Variants in USP54 observed in about 807,000 individuals in gnomAD.
USP54 encodes the protein ubiquitin specific peptidase 54.
USP54 carries 87 observed loss-of-function variants against 170.5 expected under a neutral mutation model. The observed-to-expected ratio is 0.51, with a 90% CI of 0.43 to 0.61. The LOEUF is 0.61. USP54 is among the 20% of genes least tolerant of loss of function. USP54 has a pLI of 0.00. For missense variants in USP54, 1,786 were observed against 2,047.8 expected, an observed-to-expected ratio of 0.87 and a Z score of 2.47; for synonymous variants, 655 against 742.8, an observed-to-expected ratio of 0.88 and a Z score of 1.92.
chr10:73,503,060 C>T (rs1219632764), intron 22 of USP54, among the ~76,000 whole-genome samples: 4 of 152,180 alleles, frequency 2.6e-5, no homozygotes, highest in Admixed American at 1.3e-4. Context: ...TTCCAAACTA[C>T]TTACTGTGAC....
chr10:73,500,158 GCCCACCTTC>G (rs926514895), intron 23 of USP54, among the ~76,000 whole-genome samples: 1 of 152,128 alleles, frequency 6.6e-6, no homozygotes, highest in African/African-American at 2.4e-5. Context: ...AAATGATATT[GCCCACCTTC>G]CCCACAATTG....
chr10:73,529,973 G>GACCTA, intron 14 of USP54, 62 bp from the exon 15 acceptor site: 1 of 1,501,998 alleles, frequency 6.7e-7, no homozygotes, highest in Non-Finnish European at 8.9e-7. Flanking sequence ...CTAAAATCAA[G>GACCTA]ACCTAACTAG....
In USP54 at chr10:73,561,021, C is replaced by G. The variant is rs142770926; in HGVS notation, c.240+10400G>C. ...TCAGGAGTCTGAAGCAGGATAATCG[C>G]TTGAACCCGGGAGGCAGAGGTTGCA... On this transcript the variant is annotated intron_variant, in intron 4 of 23. Transcript: ENST00000687698. Among the ~76,000 whole-genome samples the G allele has an allele frequency of 1.5e-3, 222 of 147,676 alleles. 2 individuals carry two copies. The highest frequency in any genetic ancestry group is 4.9e-3 in the African/African-American group (196 of 40,060).
At chr10:73,572,478 C>T (rs757418821) in intron 3 of USP54, among the ~76,000 whole-genome samples, 5 of 152,152 alleles carry the variant, frequency 3.3e-5, no homozygotes, top group Non-Finnish European at 4.4e-5. Flanking sequence ...CATGAAAAAG[C>T]ATAATTTCTG....
intron 1 of USP54, among the ~76,000 whole-genome samples, chr10:73,605,720 G>A (rs573785862): frequency 1.3e-5 from 2 of 152,170 alleles, no homozygotes; most frequent in South Asian, 2.1e-4. Context: ...TATACTACGT[G>A]AAATAAGCCA....
intron 4 of USP54, among the ~76,000 whole-genome samples, chr10:73,560,375 C>A (rs547467989): frequency 1.3e-5 from 2 of 151,896 alleles, no homozygotes; most frequent in Admixed American, 1.3e-4. Flanking sequence ...TGAGACCAGG[C>A]CGGGCATGGT....
chr10:73,505,064 G>C, intron 21 of USP54, 74 bp from the exon 22 acceptor site: 1 of 1,597,634 alleles, frequency 6.3e-7, no homozygotes, highest in Non-Finnish European at 8.6e-7. Context: ...AGTATCCTCA[G>C]GGTATGGGAA....
intron 1 of USP54, among the ~76,000 whole-genome samples, chr10:73,605,552 A>T (rs751866902): frequency 1.4e-4 from 22 of 152,244 alleles, no homozygotes; most frequent in Admixed American, 5.2e-4. Flanking sequence ...AGATAATTGT[A>T]TACCCATGTT....
chr10:73,538,536 C>G (rs2065805147), intron 10 of USP54: 1 of 151,944 alleles, frequency 6.6e-6, no homozygotes, highest in Non-Finnish European at 1.5e-5. Context: ...CACTTTGGGC[C>G]AGGCACTGTG....
chr10:73,551,828 T>C (rs2069441652), intron 4 of USP54, among the ~76,000 whole-genome samples: 1 of 152,204 alleles, frequency 6.6e-6, no homozygotes, highest in South Asian at 2.1e-4. Flanking sequence ...TCTATACAAA[T>C]CTGAAATTTA....
rs554201509 is a variant in USP54 at position 73,542,889 on chromosome 10, G to C, written c.490-4C>G. 6 of 1,614,020 alleles carry C rather than the reference G, an allele frequency of 3.7e-6. No homozygotes were observed. In the Admixed American group the frequency reaches 1.0e-4, roughly 27 times the overall value. On this transcript the variant is annotated splice_polypyrimidine_tract_variant and splice_region_variant and intron_variant, in intron 6 of 23. Coordinates refer to ENST00000687698, the MANE Select transcript of USP54 (RefSeq NM_001391956.1). ...CACCACAGCTAGTACATACACACTG[G>C]GCAAAAGAGAAAAAGGCAAAACCAA...
chr10:73,621,230 T>C lies in USP54; in HGVS notation c.-18+4337A>G, dbSNP rs1248408810. Among the ~76,000 whole-genome samples, 7 of 148,526 alleles carry C rather than the reference T, an allele frequency of 4.7e-5. No homozygotes were observed. In the East Asian group the frequency reaches 9.7e-4, roughly 21 times the overall value. ...AAACCGTACTTTGGACTTTGGAATA[T>C]AGAGTGAAAAAAAAAACCTGAAAGC... On this transcript the variant is annotated intron_variant, in intron 1 of 22. Coordinates refer to the USP54 transcript ENST00000339859.
chr10:73,607,928 T>A (rs1467428968), intron 1 of USP54, among the ~76,000 whole-genome samples: 1 of 151,304 alleles, frequency 6.6e-6, no homozygotes, highest in African/African-American at 2.4e-5. Flanking sequence ...GTGTGCGAAG[T>A]GTTAAGCCTA....
intron 1 of USP54, among the ~76,000 whole-genome samples, chr10:73,581,989 T>A (rs1321712372): frequency 6.6e-6 from 1 of 152,186 alleles, no homozygotes. Flanking sequence ...GTATACACAG[T>A]ACAGCTTAAT....
At chr10:73,557,852 C>G (rs2071549585) in intron 4 of USP54, among the ~76,000 whole-genome samples, 1 of 145,682 alleles carries the variant, frequency 6.9e-6, no homozygotes, top group South Asian at 2.2e-4. Context: ...AAGACCAGCT[C>G]AAGAAGGATT....
intron 4 of USP54, among the ~76,000 whole-genome samples, chr10:73,570,163 A>C (rs2074851613): frequency 1.3e-5 from 2 of 152,064 alleles, no homozygotes; most frequent in South Asian, 4.1e-4. Flanking sequence ...TTACTCAGAA[A>C]TCAGACAGAC....
chr10:73,575,700 T>C, intron 2 of USP54, 25 bp from the exon 3 acceptor site: 1 of 1,529,464 alleles, frequency 6.5e-7, no homozygotes, highest in South Asian at 1.3e-5. Context: ...GAGAAGGATT[T>C]GTGCCTTTTT....
chr10:73,521,506 G>C (rs1258286675), intron 17 of USP54, among the ~76,000 whole-genome samples: 1 of 152,182 alleles, frequency 6.6e-6, no homozygotes, highest in Non-Finnish European at 1.5e-5. Flanking sequence ...GGCAAAGGTA[G>C]CTTCATTATT....
At chr10:73,584,155 C>T (rs1448983579) in intron 1 of USP54, among the ~76,000 whole-genome samples, 4 of 151,974 alleles carry the variant, frequency 2.6e-5, no homozygotes, top group Non-Finnish European at 4.4e-5. Context: ...TTTGGGAGGC[C>T]GAGGCGGACA....
Sources: gnomAD v4.1 joint callset for allele counts (sites outside exome capture counted in the v4.1 genomes callset) on GRCh38, gnomAD v4.1.1 for gene constraint, MANE v1.5 for transcripts, NCBI Gene and HGNC (gene_info 2026-07-23, HGNC 2026-07-21) for gene names.